Variants in APOBEC4 observed in about 807,000 individuals in gnomAD.
APOBEC4 encodes the protein apolipoprotein B mRNA editing enzyme catalytic polypeptide like 4.
For missense variants in APOBEC4, 375 were observed against 441.2 expected, an observed-to-expected ratio of 0.85 and a Z score of 1.34; for synonymous variants, 141 against 154.2, an observed-to-expected ratio of 0.91 and a Z score of 0.63.
At chr1:183,650,095 G>A (rs1223097077) in intron 1 of APOBEC4, among the ~76,000 whole-genome samples, 1 of 152,142 alleles carries the variant, frequency 6.6e-6, no homozygotes, top group Non-Finnish European at 1.5e-5. Flanking sequence ...TTACAGGTGT[G>A]AACCACCATG....
intron 1 of APOBEC4, among the ~76,000 whole-genome samples, chr1:183,649,657 A>T (rs1051501781): frequency 2.6e-5 from 4 of 152,232 alleles, no homozygotes; most frequent in African/African-American, 9.6e-5. Context: ...CTTTTGAAAA[A>T]TTACTGTTAC....
At chr1:183,650,475 A>G (rs895816359) in intron 1 of APOBEC4, among the ~76,000 whole-genome samples, 8 of 152,226 alleles carry the variant, frequency 5.3e-5, no homozygotes, top group East Asian at 3.9e-4. Flanking sequence ...CCCAGGAGGC[A>G]GAGCTTGCAG....
chr1:183,652,696 A>C (rs1007481273), intron 1 of APOBEC4, among the ~76,000 whole-genome samples: 2 of 152,228 alleles, frequency 1.3e-5, no homozygotes, highest in African/African-American at 4.8e-5. Context: ...TTGTTTCCCC[A>C]GCAGCTGGTG....
chr1:183,648,278 T>C lies in APOBEC4; in HGVS notation c.504A>G (p.Ala168=), dbSNP rs12045762. 0.038 allele frequency: 61,475 copies of C among 1,614,114 alleles called. 2,037 individuals carry two copies. Among genetic ancestry groups the C allele is most frequent in the African/African-American group, 0.17 (12,504 of 75,004 alleles). ...GGCTCCGGAGAGCTTCGCGGTTCCA[T>C]GCTGAGGCAGGAAAGTCCATCTCAG... ...YHTEMDFPAS[A]WNREALRSLA... is the part of the protein sequence containing the mutation. The change falls in exon 2 of 2, where the codon GCA becomes GCG. Residue 168 remains alanine, a synonymous_variant. Coordinates refer to ENST00000308641, the MANE Select transcript of APOBEC4 (RefSeq NM_203454.3).
chr1:183,647,961 A>G lies in APOBEC4; in HGVS notation c.821T>C (p.Met274Thr). Residue 274 changes from methionine to threonine, a missense_variant, in exon 2 of 2, where the codon ATG (methionine) becomes ACG (threonine). By Grantham distance (81) the Met-to-Thr change is moderately conservative (BLOSUM62 -1). Transcript: ENST00000308641. ...NNAFPGQFFQ[M>T]PSGQLQPNLP... The stretch of plus-strand genomic sequence containing the variant: ...GTTGGGTTGGAGTTGTCCACTCGGC[A>G]TTTGAAAAAACTGTCCAGGAAAGGC... The G allele has an allele frequency of 6.2e-7, 1 of 1,614,216 alleles. No individual in the cohort carries two copies. Among genetic ancestry groups the G allele is most frequent in the Non-Finnish European group, 8.5e-7 (1 of 1,180,026 alleles).
In APOBEC4 at chr1:183,648,310, A is replaced by G; in HGVS notation, c.472T>C (p.Tyr158His). The change falls in exon 2 of 2, where the codon TAT becomes CAT. Residue 158 changes from tyrosine (Y) to histidine (H), a missense_variant. Physicochemically the swap from Tyr to His is moderately conservative, Grantham distance 83 (BLOSUM62 2). Transcript: ENST00000308641. ...GCAGGAAAGTCCATCTCAGTATGATAGAGCTGAGAAAAATAAATACTAAGA... is the reference window on the plus strand; with the variant it reads ...GCAGGAAAGTCCATCTCAGTATGATGGAGCTGAGAAAAATAAATACTAAGA... ...ITLSIYFSQL[Y>H]HTEMDFPASA... 6.2e-7 allele frequency: 1 copy of G among 1,614,218 alleles called. No individual in the cohort carries two copies. The highest frequency in any genetic ancestry group is 8.5e-7 in the Non-Finnish European group (1 of 1,180,030).
In APOBEC4 at chr1:183,650,973, T is replaced by G. The variant is rs528578986; in HGVS notation, c.-31+2099A>C. Among the ~76,000 whole-genome samples the G allele has an allele frequency of 9.2e-5, 14 of 152,346 alleles. No homozygotes were observed. In the South Asian group the frequency reaches 2.9e-3, roughly 32 times the overall value. On this transcript the variant is annotated intron_variant, in intron 1 of 1. Coordinates refer to ENST00000308641, the MANE Select transcript of APOBEC4 (RefSeq NM_203454.3). ...TATATTTGATTTTTTACCTATTTTT[T>G]GCGTGAAGTTTTCCTTATTGGTTTG...
intron 1 of APOBEC4, among the ~76,000 whole-genome samples, chr1:183,649,456 C>G (rs1180929902): frequency 6.6e-6 from 1 of 152,152 alleles, no homozygotes; most frequent in African/African-American, 2.4e-5. Flanking sequence ...CATTTAACAT[C>G]AACTTTCTTA....
In APOBEC4 at chr1:183,647,460, TAAA is replaced by T; in HGVS notation, c.*215_*217del. On this transcript the variant is annotated 3_prime_UTR_variant, in exon 2 of 2. Coordinates refer to ENST00000308641, the MANE Select transcript of APOBEC4 (RefSeq NM_203454.3). ...CATTTTGATACTGCCACTTTCAAAATAAAGGAGAGAGATCAAGTTGCTTATGGA... is the reference window on the plus strand; with the variant it reads ...CATTTTGATACTGCCACTTTCAAAATGGAGAGAGATCAAGTTGCTTATGGA... The T allele has an allele frequency of 1.7e-6, 1 of 589,122 alleles. No homozygotes were observed. Among genetic ancestry groups the T allele is most frequent in the Non-Finnish European group, 2.5e-6 (1 of 397,882 alleles). The allele number at this position is 589,122 out of a possible 1,614,324, so 36.5% of individuals were successfully genotyped here. A position where few individuals can be genotyped will look rare whatever the true frequency, so the allele number is the denominator to read the frequency against.
chr1:183,651,628 C>T (rs1424891913), intron 1 of APOBEC4, among the ~76,000 whole-genome samples: 1 of 152,196 alleles, frequency 6.6e-6, no homozygotes, highest in Non-Finnish European at 1.5e-5. Flanking sequence ...GCACCACATA[C>T]CCACCAGATT....
In APOBEC4 at chr1:183,648,101, A is replaced by G. The variant is rs988377615; in HGVS notation, c.681T>C (p.Tyr227=). Residue 227 remains tyrosine (Y), a synonymous_variant, in exon 2 of 2, where the codon TAT becomes TAC. Transcript: ENST00000308641. ...TTACGCCTGTTATGGCATTGATTTC[A>G]TATGCGTTGTGCCTGTCAGCCAGTG... is the stretch of plus-strand genomic sequence containing the variant. ...GRALADRHNA[Y]EINAITGVKP... 2 of 1,614,144 alleles carry G rather than the reference A, an allele frequency of 1.2e-6. No individual in the cohort carries two copies. The highest frequency in any genetic ancestry group is 1.7e-6 in the Non-Finnish European group (2 of 1,180,058).
At chr1:183,652,576 T>A (rs541834003) in intron 1 of APOBEC4, among the ~76,000 whole-genome samples, 2 of 151,116 alleles carry the variant, frequency 1.3e-5, no homozygotes, top group Admixed American at 1.3e-4. Flanking sequence ...TCTTGTTAAC[T>A]TTTGGTATCT....
chr1:183,646,360 T>C lies in APOBEC4; in HGVS notation c.*1318A>G, dbSNP rs1003768543. The C allele has an allele frequency of 6.6e-6, 1 of 152,112 alleles. No individual in the cohort carries two copies. Among genetic ancestry groups the C allele is most frequent in the African/African-American group, 2.4e-5 (1 of 41,444 alleles). The allele number at this position is 152,112 out of a possible 1,614,324, so 9.4% of individuals were successfully genotyped here. A position where few individuals can be genotyped will look rare whatever the true frequency, so the allele number is the denominator to read the frequency against. ...ATATGTTTTTCTTTCTCCTCCTCCC[T>C]TATGGAGTATTAAATGTTTTAATGT... On this transcript the variant is annotated 3_prime_UTR_variant, in exon 2 of 2. Coordinates refer to ENST00000308641, the MANE Select transcript of APOBEC4 (RefSeq NM_203454.3).
intron 1 of APOBEC4, among the ~76,000 whole-genome samples, chr1:183,650,103 A>G (rs1281005153): frequency 6.6e-6 from 1 of 152,000 alleles, no homozygotes; most frequent in Non-Finnish European, 1.5e-5. Flanking sequence ...GTGAACCACC[A>G]TGTCCAGCCT....
rs1167392249 is a variant in APOBEC4, at chr1:183,646,798, T to C, written c.*880A>G. 6.6e-6 allele frequency: 1 copy of C among 152,198 alleles called. No individual in the cohort carries two copies. The highest frequency in any genetic ancestry group is 6.5e-5 in the Admixed American group (1 of 15,282). 9.4% of individuals were successfully genotyped at this position (152,198 alleles called of 1,614,324 possible). A position where few individuals can be genotyped will look rare whatever the true frequency, so the allele number is the denominator to read the frequency against. ...GAGAAGGGATGCTGAGTTACAATCA[T>C]TGGTGAAGTTATTGAGATGTCATTT... On this transcript the variant is annotated 3_prime_UTR_variant, in exon 2 of 2. Transcript: ENST00000308641.
In APOBEC4 at chr1:183,647,768, A is replaced by G. The variant is rs1572218174; in HGVS notation, c.1014T>C (p.Thr338=). The part of the protein sequence containing the change: ...QETKDLGRLP[T]GRSVEIVEIT... The stretch of plus-strand genomic sequence containing the variant: ...TTTCCACTATCTCCACTGACCTTCC[A>G]GTGGGAAGCCTTCCAAGGTCCTTGG... The change falls in exon 2 of 2, where the codon ACT becomes ACC. Residue 338 remains threonine (T), a synonymous_variant. Coordinates refer to ENST00000308641, the MANE Select transcript of APOBEC4 (RefSeq NM_203454.3). 9.3e-6 allele frequency: 15 copies of G among 1,614,082 alleles called. No individual in the cohort carries two copies. In the East Asian group the frequency reaches 3.3e-4, roughly 36 times the overall value.
In APOBEC4 at chr1:183,650,575, CTAAT is replaced by C. The variant is rs1415901865; in HGVS notation, c.-30-1768_-30-1765del. On this transcript the variant is annotated intron_variant, in intron 1 of 1. Transcript: ENST00000308641. ...AAAACAAAAAACACAATATTCATGG[CTAAT>C]TAGTTTTTTATTATGTAACTGTAAC... Among the ~76,000 whole-genome samples the C allele has an allele frequency of 2.6e-5, 4 of 152,038 alleles. No individual in the cohort carries two copies. The East Asian group carries it at 5.8e-4, about 22-fold the overall frequency.
chr1:183,647,737 C>T lies in APOBEC4; in HGVS notation c.1045G>A (p.Glu349Lys), dbSNP rs1461262536. 3 of 1,613,664 alleles carry T rather than the reference C, an allele frequency of 1.9e-6. No individual in the cohort carries two copies. Among genetic ancestry groups the T allele is most frequent in the Non-Finnish European group, 1.7e-6 (2 of 1,179,686 alleles). Residue 349 changes from glutamate to lysine, a missense_variant, in exon 2 of 2, where the codon GAA (glutamate) becomes AAA (lysine). Coordinates refer to ENST00000308641, the MANE Select transcript of APOBEC4 (RefSeq NM_203454.3). ...GRSVEIVEITEQFASSKEADE... is the reference protein window; with the variant it reads ...GRSVEIVEITKQFASSKEADE... ...GCCTCCTTGCTACTTGCAAACTGTT[C>T]TGTGATTTCCACTATCTCCACTGAC... is the stretch of plus-strand genomic sequence containing the variant.
At chr1:183,650,203 T>C (rs1462731060) in intron 1 of APOBEC4, among the ~76,000 whole-genome samples, 1 of 152,224 alleles carries the variant, frequency 6.6e-6, no homozygotes, top group Non-Finnish European at 1.5e-5. Flanking sequence ...TTTTATACCC[T>C]GCTTTTTCAC....
Sources: allele counts gnomAD v4.1 joint callset (sites outside exome capture counted in the v4.1 genomes callset), GRCh38; gene constraint gnomAD v4.1.1; transcripts MANE v1.5; gene names NCBI Gene and HGNC (gene_info 2026-07-23, HGNC 2026-07-21).